The following MAP6 variants were observed in gnomAD, a reference collection of about 807,000 sequenced individuals.
MAP6 encodes microtubule-associated protein 6.
A neutral mutation model predicts 42.4 loss-of-function variants in MAP6; 26 were observed. That is an observed-to-expected ratio of 0.61 (90% CI 0.45 to 0.85). The LOEUF is 0.85. MAP6 is among the 40% of genes least tolerant of loss of function. The probability of loss-of-function intolerance (pLI) is 0.00; values close to 1 mark genes in which losing one functional copy is unlikely to be tolerated. For missense variants in MAP6, 966 were observed against 1,099.0 expected, an observed-to-expected ratio of 0.88 and a Z score of 1.71; for synonymous variants, 418 against 443.8, an observed-to-expected ratio of 0.94 and a Z score of 0.73.
intron 1 of MAP6, among the ~76,000 whole-genome samples, chr11:75,653,423 A>G (rs571515639): frequency 6.6e-6 from 1 of 152,340 alleles, no homozygotes; most frequent in East Asian, 1.9e-4. Flanking sequence ...ACAATCCAAG[A>G]AGGAAAATTC....
At chr11:75,617,699 A>G (rs1943024165) in intron 1 of MAP6, among the ~76,000 whole-genome samples, 1 of 151,938 alleles carries the variant, frequency 6.6e-6, no homozygotes, top group African/African-American at 2.4e-5. Flanking sequence ...AGTTAAGACA[A>G]GTACACTTAC....
chr11:75,617,995 G>A (rs1943032891), intron 1 of MAP6, among the ~76,000 whole-genome samples: 1 of 152,086 alleles, frequency 6.6e-6, no homozygotes, highest in Non-Finnish European at 1.5e-5. Context: ...AAGGTGGGAG[G>A]GAGTGTTGCT....
intron 1 of MAP6, among the ~76,000 whole-genome samples, chr11:75,654,599 T>C (rs1375433308): frequency 3.3e-5 from 5 of 152,218 alleles, no homozygotes; most frequent in Non-Finnish European, 4.4e-5. Flanking sequence ...TACCCTAGCG[T>C]AGTGATTCAT....
chr11:75,665,214 T>C (rs1437838024), intron 1 of MAP6, among the ~76,000 whole-genome samples: 1 of 152,216 alleles, frequency 6.6e-6, no homozygotes, highest in Admixed American at 6.5e-5. Context: ...GTGTGTAATG[T>C]GAAGCATGGC....
Position 75,602,868 on chromosome 11 carries a change from G to T in MAP6, c.1316+2940C>A, listed in dbSNP as rs551967720. On this transcript the variant is annotated intron_variant, in intron 3 of 3. Transcript: ENST00000304771. ...AAATAAGATCAAGAAAGTGGTGTTC[G>T]TCTTTAGCATTTATTTATAATTGGA... is the stretch of plus-strand genomic sequence containing the variant. The T allele has an allele frequency of 6.1e-6, 6 of 985,386 alleles. No individual in the cohort carries two copies. The African/African-American group carries it at 1.0e-4, about 17-fold the overall frequency. The allele number at this position is 985,386 out of a possible 1,614,324, so 61.0% of individuals were successfully genotyped here. A position where few individuals can be genotyped will look rare whatever the true frequency, so the allele number is the denominator to read the frequency against.
intron 1 of MAP6, among the ~76,000 whole-genome samples, chr11:75,657,654 T>C (rs529981094): frequency 6.6e-6 from 1 of 152,338 alleles, no homozygotes; most frequent in South Asian, 2.1e-4. Flanking sequence ...CACAGTTCTG[T>C]CATTCAGAAG....
chr11:75,616,921 A>G (rs1169674901), intron 1 of MAP6, among the ~76,000 whole-genome samples: 1 of 152,244 alleles, frequency 6.6e-6, no homozygotes, highest in Non-Finnish European at 1.5e-5. Context: ...TGGACGAAAA[A>G]TGGTCAAGTA....
chr11:75,587,971 C>G lies in MAP6; in HGVS notation c.1530G>C (p.Thr510=). 6.2e-7 allele frequency: 1 copy of G among 1,614,092 alleles called. No individual in the cohort carries two copies. Among genetic ancestry groups the G allele is most frequent in the Middle Eastern group, 1.6e-4 (1 of 6,062 alleles). ...TTTCATTCTTTAAAGGCTCAGGGACCGTGTGATCTTGATCCTTGACTGGTA... is the reference window on the plus strand; with the variant it reads ...TTTCATTCTTTAAAGGCTCAGGGACGGTGTGATCTTGATCCTTGACTGGTA... ...IPLPVKDQDH[T]VPEPLKNESP... is the part of the protein sequence containing the mutation. The change falls in exon 4 of 4, where the codon ACG becomes ACC. Residue 510 remains threonine (T), a synonymous_variant. Coordinates refer to ENST00000304771, the MANE Select transcript of MAP6 (RefSeq NM_033063.2).
At position 75,667,399 on chromosome 11, in the gene MAP6, C is replaced by T; in HGVS notation, c.905+66G>A. ...CTAGGCCTGCGCTGGGGATCCTGGG[C>T]CCCGGGCAGCCCGCGGGGAGGGTCT... On this transcript the variant is annotated intron_variant, in intron 1 of 3. Coordinates refer to ENST00000304771, the MANE Select transcript of MAP6 (RefSeq NM_033063.2). This position sits in a 1 kb window ranked among gnomAD's most constrained non-coding sequence, Gnocchi z 5.6. The T allele has an allele frequency of 1.5e-6, 2 of 1,354,344 alleles. No individual in the cohort carries two copies. The highest frequency in any genetic ancestry group is 3.1e-5 in the East Asian group (1 of 31,870). The allele number at this position is 1,354,344 out of a possible 1,614,324, so 83.9% of individuals were successfully genotyped here. A position where few individuals can be genotyped will look rare whatever the true frequency, so the allele number is the denominator to read the frequency against.
At chr11:75,641,730 G>A (rs1329682080) in intron 1 of MAP6, among the ~76,000 whole-genome samples, 1 of 152,202 alleles carries the variant, frequency 6.6e-6, no homozygotes, top group Admixed American at 6.5e-5. Flanking sequence ...TTTCTGTTAA[G>A]CTTCCAGGTG....
chr11:75,604,438 G>A (rs538488973), intron 3 of MAP6: 23 of 985,470 alleles, frequency 2.3e-5, no homozygotes, highest in African/African-American at 1.9e-4. Flanking sequence ...GCAAGCCTGC[G>A]CCGGGGCTTG....
At chr11:75,609,243 G>T (rs550944488) in intron 1 of MAP6, among the ~76,000 whole-genome samples, 5 of 152,320 alleles carry the variant, frequency 3.3e-5, no homozygotes, top group African/African-American at 1.2e-4. Context: ...GGCCACGAGG[G>T]TCTATTCTGT....
intron 1 of MAP6, among the ~76,000 whole-genome samples, chr11:75,631,519 C>T (rs553590848): frequency 7.2e-5 from 11 of 152,226 alleles, no homozygotes; most frequent in Middle Eastern, 3.4e-3. Flanking sequence ...CAGCAGGAGA[C>T]GGTACAAATG....
At chr11:75,611,407 C>T (rs979303116) in intron 1 of MAP6, among the ~76,000 whole-genome samples, 5 of 152,212 alleles carry the variant, frequency 3.3e-5, no homozygotes, top group African/African-American at 1.2e-4. Context: ...GGCTGGGGAG[C>T]GTCTCACCTG....
intron 1 of MAP6, among the ~76,000 whole-genome samples, chr11:75,655,402 G>A (rs1763466015): frequency 1.3e-5 from 2 of 152,196 alleles, no homozygotes; most frequent in South Asian, 4.1e-4. Flanking sequence ...ACCCAGTTTA[G>A]GCTGTGATTC....
intron 1 of MAP6, among the ~76,000 whole-genome samples, chr11:75,663,289 CT>C (rs1375933558): frequency 1.1e-4 from 16 of 152,156 alleles, no homozygotes; most frequent in Non-Finnish European, 2.1e-4. Context: ...AGGATTTGGA[CT>C]TTAACTTGAT....
intron 1 of MAP6, among the ~76,000 whole-genome samples, chr11:75,610,369 T>C (rs760378689): frequency 5.3e-5 from 8 of 152,226 alleles, no homozygotes; most frequent in Non-Finnish European, 1.2e-4. Flanking sequence ...CACCCATTCA[T>C]TCAGTCATTC....
chr11:75,629,888 G>A (rs375330070), intron 1 of MAP6, among the ~76,000 whole-genome samples: 4 of 152,208 alleles, frequency 2.6e-5, no homozygotes, highest in Admixed American at 2.0e-4. Context: ...CTTGTTGACA[G>A]AGGAACAAAA....
At chr11:75,602,974 T>C (rs1212106234) in intron 3 of MAP6, 4 of 985,718 alleles carry the variant, frequency 4.1e-6, no homozygotes, top group Admixed American at 1.2e-4. Flanking sequence ...ATGAATATTT[T>C]TGTCATTCTC....
Sources: gnomAD v4.1 joint callset for allele counts (sites outside exome capture counted in the v4.1 genomes callset) on GRCh38, gnomAD v4.1.1 for gene constraint, Gnocchi (gnomAD v3.1) non-coding constraint, MANE v1.5 for transcripts, NCBI Gene and HGNC (gene_info 2026-07-23, HGNC 2026-07-21) for gene names.